Variants in AGBL4 observed in about 807,000 individuals in gnomAD.
The protein encoded by AGBL4 is AGBL carboxypeptidase 4, also known as cytosolic carboxypeptidase 6.
Under a neutral mutation model 66.4 loss-of-function variants are expected in AGBL4, and 58 were observed. That is an observed-to-expected ratio of 0.87 (90% CI 0.71 to 1.09). AGBL4 has a LOEUF of 1.09. Among genes scored for constraint, AGBL4 ranks in the 50% least tolerant of loss-of-function variants. The probability of loss-of-function intolerance (pLI) is 0.00; values close to 1 mark genes in which losing one functional copy is unlikely to be tolerated. For synonymous variants in AGBL4, 234 were observed against 222.9 expected (o/e 1.05, Z -0.44); for missense variants, 579 against 631.0 (o/e 0.92, Z 0.88).
rs1251541670 is a variant in AGBL4, at chr1:48,533,950, T to C, written c.*223A>G. 3.2e-6 allele frequency: 2 copies of C among 627,698 alleles called. No individual in the cohort carries two copies. The highest frequency in any genetic ancestry group is 6.3e-5 in the East Asian group (2 of 31,950). 38.9% of individuals were successfully genotyped at this position (627,698 alleles called of 1,614,324 possible). ...AGCATCTGTGCTCACCTGGTTCCGA[T>C]CTCCTATTTTGTTCCTGAGCTTTTT... On this transcript the variant is annotated 3_prime_UTR_variant, in exon 14 of 14. Transcript: ENST00000371839.
chr1:49,355,601 C>G (rs1182014547), intron 3 of AGBL4, among the ~76,000 whole-genome samples: 2 of 152,190 alleles, frequency 1.3e-5, no homozygotes, highest in Non-Finnish European at 2.9e-5. Flanking sequence ...AGACTAAAAT[C>G]CAAACTCCTT....
At chr1:49,706,185 T>C (rs1023943743) in intron 2 of AGBL4, among the ~76,000 whole-genome samples, 1 of 152,168 alleles carries the variant, frequency 6.6e-6, no homozygotes, top group African/African-American at 2.4e-5. Flanking sequence ...TCCTGGACTT[T>C]TGTTGGTTGG....
chr1:49,564,183 A>C (rs1280482906), intron 3 of AGBL4, among the ~76,000 whole-genome samples: 1 of 151,804 alleles, frequency 6.6e-6, no homozygotes, highest in Non-Finnish European at 1.5e-5. Flanking sequence ...TATTGCGTCT[A>C]TTTGATTATT....
At chr1:49,978,224 G>T (rs765910876) in intron 1 of AGBL4, among the ~76,000 whole-genome samples, 14 of 152,126 alleles carry the variant, frequency 9.2e-5, no homozygotes, top group Non-Finnish European at 2.1e-4. Flanking sequence ...CAAGGCAGGA[G>T]GATTGCTTGA....
At chr1:49,139,000 C>A (rs2148088565) in intron 4 of AGBL4, among the ~76,000 whole-genome samples, 1 of 152,184 alleles carries the variant, frequency 6.6e-6, no homozygotes, top group East Asian at 1.9e-4. Context: ...AAGCAAGCAC[C>A]TTTCTTCACA....
chr1:49,371,244 GATAGATACATACATAC>G (rs1181492988), intron 3 of AGBL4, among the ~76,000 whole-genome samples: 14 of 141,854 alleles, frequency 9.9e-5, no homozygotes, highest in East Asian at 2.1e-4. Flanking sequence ...TAGATAGATA[GATAGATACATACATAC>G]ATACATACAT....
At chr1:48,644,652 T>C (rs576857645) in intron 8 of AGBL4, among the ~76,000 whole-genome samples, 7 of 151,796 alleles carry the variant, frequency 4.6e-5, no homozygotes, top group Non-Finnish European at 1.0e-4. Flanking sequence ...TTTAAGACAA[T>C]GGAAAGAGCC....
chr1:48,866,505 C>G (rs77361588), intron 6 of AGBL4, among the ~76,000 whole-genome samples: 2 of 152,134 alleles, frequency 1.3e-5, no homozygotes, highest in Non-Finnish European at 2.9e-5. Context: ...GCTCACTAAC[C>G]CTGCTGGCAC....
intron 3 of AGBL4, among the ~76,000 whole-genome samples, chr1:49,566,535 A>C (rs905639295): frequency 1.3e-5 from 2 of 152,204 alleles, no homozygotes; most frequent in African/African-American, 4.8e-5. Flanking sequence ...CCTCAGCTGC[A>C]GGTCTGTTGG....
chr1:49,130,623 T>G (rs1645870875), intron 4 of AGBL4, among the ~76,000 whole-genome samples: 1 of 152,080 alleles, frequency 6.6e-6, no homozygotes, highest in Admixed American at 6.6e-5. Context: ...CAGATAGTTG[T>G]AGATATGCGG....
intron 5 of AGBL4, among the ~76,000 whole-genome samples, chr1:48,967,944 A>T (rs1479260018): frequency 6.6e-6 from 1 of 151,534 alleles, no homozygotes; most frequent in East Asian, 1.9e-4. Flanking sequence ...AAGTTAACTG[A>T]CTCGACTTTG....
rs1647282325 is a variant in AGBL4 at position 49,707,364 on chromosome 1, CTGCT to C, written c.158-9931_158-9928del. 3.0e-5 allele frequency among the ~76,000 whole-genome samples: 4 copies of C among 134,790 alleles called. No individual in the cohort carries two copies. The South Asian group carries it at 7.1e-4, about 24-fold the overall frequency. 88.4% of individuals were successfully genotyped at this position (134,790 alleles called of 152,430 possible). ...TTATCAGAGACTAGGATTGCAACCC[CTGCT>C]TTTTTTTTTTTTTTTTTTTTGCTTA... On this transcript the variant is annotated intron_variant, in intron 2 of 13. Transcript: ENST00000371839.
chr1:49,389,972 T>C (rs1395992988), intron 3 of AGBL4, among the ~76,000 whole-genome samples: 1 of 152,242 alleles, frequency 6.6e-6, no homozygotes, highest in African/African-American at 2.4e-5. Flanking sequence ...TGTCATTCTC[T>C]GAATAACCAG....
At chr1:49,058,685 G>T (rs1430372023) in intron 4 of AGBL4, among the ~76,000 whole-genome samples, 3 of 152,224 alleles carry the variant, frequency 2.0e-5, no homozygotes, top group Admixed American at 2.0e-4. Context: ...GAAGAAGACA[G>T]GAAAATGTGG....
chr1:49,080,109 T>G (rs1332610730), intron 4 of AGBL4, among the ~76,000 whole-genome samples: 2 of 152,208 alleles, frequency 1.3e-5, no homozygotes, highest in African/African-American at 4.8e-5. Context: ...GCCTAAATCT[T>G]AATTTGAACA....
At chr1:49,888,576 C>A (rs1346591245) in intron 1 of AGBL4, among the ~76,000 whole-genome samples, 1 of 152,144 alleles carries the variant, frequency 6.6e-6, no homozygotes, top group Non-Finnish European at 1.5e-5. Context: ...GGATACATTA[C>A]AACTGTCTTC....
intron 3 of AGBL4, among the ~76,000 whole-genome samples, chr1:49,504,071 G>A (rs1375798797): frequency 6.6e-6 from 1 of 152,078 alleles, no homozygotes; most frequent in African/African-American, 2.4e-5. Context: ...TCAAGGGTGG[G>A]ACAAGGTGGA....
chr1:49,494,404 T>C (rs2148750048), intron 3 of AGBL4, among the ~76,000 whole-genome samples: 1 of 152,072 alleles, frequency 6.6e-6, no homozygotes, highest in Middle Eastern at 3.4e-3. Flanking sequence ...TAGGTATATC[T>C]CCCAATGCTA....
chr1:48,566,269 T>C (rs2148306862), intron 11 of AGBL4, among the ~76,000 whole-genome samples: 1 of 152,326 alleles, frequency 6.6e-6, no homozygotes, highest in South Asian at 2.1e-4. Context: ...CATGACCCAC[T>C]CTTCACAATG....
Sources: gnomAD v4.1 joint callset for allele counts (sites outside exome capture counted in the v4.1 genomes callset) on GRCh38, gnomAD v4.1.1 for gene constraint, MANE v1.5 for transcripts, NCBI Gene and HGNC (gene_info 2026-07-23, HGNC 2026-07-21) for gene names.